Variants in STK3 observed in about 807,000 individuals in gnomAD.
STK3 encodes the protein serine/threonine-protein kinase 3.
In STK3, 41 loss-of-function variants were observed where a neutral mutation model predicts 58.0. That is an observed-to-expected ratio of 0.71 (90% CI 0.55 to 0.92). The LOEUF (loss-of-function observed/expected upper bound fraction) is 0.92. Among genes scored for constraint, STK3 ranks in the 40% least tolerant of loss-of-function variants. STK3 has a pLI of 0.00. For missense variants in STK3, 479 were observed against 602.7 expected (o/e 0.79, Z 2.15); for synonymous variants, 170 against 191.0 (o/e 0.89, Z 0.91).
Position 98,648,800 on chromosome 8 carries a change from G to A in STK3, c.685-52631C>T, listed in dbSNP as rs150596793. On this transcript the variant is annotated intron_variant, in intron 6 of 10. Coordinates refer to ENST00000419617, the MANE Select transcript of STK3 (RefSeq NM_006281.4). ...CCAGCTACTCGGGAGGCTGAGGCAG[G>A]AGAATCACTTGAACCTGGAGGCGGA... Among the ~76,000 whole-genome samples the A allele has an allele frequency of 7.8e-3, 1,186 of 152,002 alleles. 12 individuals carry two copies. The highest frequency in any genetic ancestry group is 0.027 in the African/African-American group (1,108 of 41,462).
At position 98,613,286 on chromosome 8, in the gene STK3, T is replaced by A. The variant is rs987739618; in HGVS notation, c.685-17117A>T. On this transcript the variant is annotated intron_variant, in intron 6 of 10. Coordinates refer to ENST00000419617, the MANE Select transcript of STK3 (RefSeq NM_006281.4). ...AATAAGATCCAGTCTCAGAATATAATGGGGAAATAGGTCCTGTTTTCAACC... is the reference window on the plus strand; with the variant it reads ...AATAAGATCCAGTCTCAGAATATAAAGGGGAAATAGGTCCTGTTTTCAACC... Among the ~76,000 whole-genome samples the A allele has an allele frequency of 2.6e-5, 4 of 151,972 alleles. No homozygotes were observed. In the East Asian group the frequency reaches 7.7e-4, roughly 29 times the overall value.
intron 10 of STK3, among the ~76,000 whole-genome samples, chr8:98,465,658 A>G (rs529743561): frequency 6.6e-6 from 1 of 152,174 alleles, no homozygotes. Flanking sequence ...AAAACCAATA[A>G]AACATGTCTC....
intron 8 of STK3, among the ~76,000 whole-genome samples, chr8:98,554,501 C>T (rs1351265174): frequency 1.3e-5 from 2 of 152,064 alleles, no homozygotes; most frequent in Admixed American, 1.3e-4. Flanking sequence ...TGGATTCACA[C>T]AATTGGCTTA....
At chr8:98,355,245 A>G in the STK3 span, among the ~76,000 whole-genome samples, 9 of 152,162 alleles carry the variant, frequency 5.9e-5, no homozygotes, top group Non-Finnish European at 8.8e-5. Context: ...TGCTAAGATG[A>G]GGCTGGAATT....
intron 1 of STK3, among the ~76,000 whole-genome samples, chr8:98,787,124 G>A (rs1488495444): frequency 1.0e-4 from 12 of 118,826 alleles, no homozygotes; most frequent in African/African-American, 3.7e-4. Flanking sequence ...AGCTGAGGTC[G>A]CACCACTGCA....
intron 1 of STK3, chr8:98,905,530 C>T (rs1564095094): frequency 3.7e-6 from 4 of 1,072,560 alleles, no homozygotes; most frequent in Non-Finnish European, 1.5e-6. Flanking sequence ...GTATCCTCAG[C>T]CGCCGTCTTG....
the STK3 span, among the ~76,000 whole-genome samples, chr8:98,346,898 G>A: frequency 6.6e-6 from 1 of 151,468 alleles, no homozygotes; most frequent in African/African-American, 2.4e-5. Flanking sequence ...ACATATATAT[G>A]TGTATAAAAC....
intron 3 of STK3, among the ~76,000 whole-genome samples, chr8:98,753,815 G>GT (rs1355725692): frequency 3.3e-5 from 5 of 152,090 alleles, no homozygotes; most frequent in Non-Finnish European, 7.4e-5. Flanking sequence ...ATTCAAACCT[G>GT]TTTTATCCCC....
chr8:98,398,631 T>G (rs893684551), downstream of STK3, among the ~76,000 whole-genome samples: 7 of 152,140 alleles, frequency 4.6e-5, no homozygotes, highest in African/African-American at 9.7e-5. Context: ...GATGAGGCAT[T>G]GAGGACACAG....
intron 6 of STK3, among the ~76,000 whole-genome samples, chr8:98,646,094 TAA>T (rs1820377317): frequency 6.6e-6 from 1 of 152,140 alleles, no homozygotes; most frequent in Non-Finnish European, 1.5e-5. Context: ...TGTGGGAAAA[TAA>T]AAAGTCAGCC....
intron 6 of STK3, among the ~76,000 whole-genome samples, chr8:98,704,211 C>A (rs1260964928): frequency 6.6e-6 from 1 of 152,106 alleles, no homozygotes; most frequent in East Asian, 1.9e-4. Flanking sequence ...ACCAAGTGAA[C>A]CTGTCATTTC....
chr8:98,840,361 A>ATGTATATATATATATATATATAT (rs1835922362), intron 3 of STK3, among the ~76,000 whole-genome samples: 1 of 148,940 alleles, frequency 6.7e-6, no homozygotes, highest in South Asian at 2.1e-4. Flanking sequence ...AAAAAAAAAA[A>ATGTATATATATATATATATATAT]AAAAAAAAAA....
At chr8:98,738,318 TAAAAA>T (rs954332832) in intron 4 of STK3, among the ~76,000 whole-genome samples, 6 of 151,576 alleles carry the variant, frequency 4.0e-5, no homozygotes, top group African/African-American at 1.5e-4. Context: ...ACTAAAAATA[TAAAAA>T]TTAGCTGGGT....
Position 98,858,096 on chromosome 8 carries a change from G to A in STK3, c.110+25551C>T, listed in dbSNP as rs566935567. Among the ~76,000 whole-genome samples, 22 of 151,216 alleles carry A rather than the reference G, an allele frequency of 1.5e-4. No homozygotes were observed. In the East Asian group the frequency reaches 3.3e-3, roughly 23 times the overall value. On this transcript the variant is annotated intron_variant, in intron 3 of 12. Coordinates refer to the STK3 transcript ENST00000523601. ...AATAAAATGAATTTTAAAAATATAA[G>A]GTAGGGCCAGGCACAGTGGCTCATG... is the stretch of plus-strand genomic sequence containing the variant.
intron 3 of STK3, among the ~76,000 whole-genome samples, chr8:98,755,055 C>A (rs1457905327): frequency 6.6e-6 from 1 of 152,130 alleles, no homozygotes; most frequent in East Asian, 1.9e-4. Flanking sequence ...AAAACTTTGG[C>A]AAAACGTAAA....
chr8:98,749,785 T>C (rs1829859273), intron 3 of STK3, among the ~76,000 whole-genome samples: 1 of 152,078 alleles, frequency 6.6e-6, no homozygotes, highest in African/African-American at 2.4e-5. Flanking sequence ...AATCTATATT[T>C]CCATGAGGCC....
At chr8:98,571,885 G>A (rs536000753) in intron 8 of STK3, among the ~76,000 whole-genome samples, 2 of 152,054 alleles carry the variant, frequency 1.3e-5, no homozygotes, top group African/African-American at 2.4e-5. Flanking sequence ...CTTAAGAAAC[G>A]TCTGAGCTCC....
At chr8:98,584,039 C>T (rs1814197932) in intron 7 of STK3, among the ~76,000 whole-genome samples, 1 of 151,778 alleles carries the variant, frequency 6.6e-6, no homozygotes, top group Admixed American at 6.6e-5. Flanking sequence ...TAACAAAATG[C>T]AAACATGTAT....
At position 98,538,386 on chromosome 8, in the gene STK3, A is replaced by G. The variant is rs147140237; in HGVS notation, c.1141+9583T>C. Among the ~76,000 whole-genome samples, 223 of 152,330 alleles carry G rather than the reference A, an allele frequency of 1.5e-3. 1 individual carries two copies. Among genetic ancestry groups the G allele is most frequent in the African/African-American group, 5.1e-3 (213 of 41,582 alleles). On this transcript the variant is annotated intron_variant, in intron 9 of 10. Coordinates refer to ENST00000419617, the MANE Select transcript of STK3 (RefSeq NM_006281.4). Reference sequence around the variant, plus strand: ...GGAGAAGGTCCACAGACTATTCATAAAAGATTAAAAAGCTTAGAAAATAAT... The same window carrying G: ...GGAGAAGGTCCACAGACTATTCATAGAAGATTAAAAAGCTTAGAAAATAAT...
Sources: allele counts gnomAD v4.1 joint callset (sites outside exome capture counted in the v4.1 genomes callset), GRCh38; gene constraint gnomAD v4.1.1; transcripts MANE v1.5; gene names NCBI Gene and HGNC (gene_info 2026-07-23, HGNC 2026-07-21).